The following NRXN2 variants were observed in gnomAD, a reference collection of about 807,000 sequenced individuals.
The protein encoded by NRXN2 is neurexin 2.
A neutral mutation model predicts 128.8 loss-of-function variants in NRXN2; 29 were observed. That is an observed-to-expected ratio of 0.23 (90% CI 0.17 to 0.31). NRXN2 has a LOEUF of 0.31. Ranked by LOEUF, NRXN2 falls within the 10% of genes least tolerant of loss-of-function variation. NRXN2 has a pLI of 1.00. For synonymous variants in NRXN2, 1,098 were observed against 1,075.2 expected (o/e 1.02, Z -0.41); for missense variants, 1,881 against 2,452.6 (o/e 0.77, Z 4.92).
Position 64,668,315 on chromosome 11 carries a change from G to T in NRXN2, c.1359+128C>A, listed in dbSNP as rs1237931253. Reference sequence around the variant, plus strand: ...GTGGGCCTTAGGTTTTAAAGAGGGGGTGTCTCCCACCATGGACTTGGAAGG... The same window carrying T: ...GTGGGCCTTAGGTTTTAAAGAGGGGTTGTCTCCCACCATGGACTTGGAAGG... On this transcript the variant is annotated intron_variant, in intron 8 of 22. Transcript: ENST00000265459. 1.1e-5 allele frequency: 13 copies of T among 1,168,956 alleles called. No homozygotes were observed. In the South Asian group the frequency reaches 1.6e-4, roughly 14 times the overall value. The allele number at this position is 1,168,956 out of a possible 1,614,324, so 72.4% of individuals were successfully genotyped here. A position where few individuals can be genotyped will look rare whatever the true frequency, so the allele number is the denominator to read the frequency against.
chr11:64,618,371 C>T (rs918102759), intron 22 of NRXN2, among the ~76,000 whole-genome samples: 7 of 152,208 alleles, frequency 4.6e-5, no homozygotes, highest in Non-Finnish European at 1.0e-4. Context: ...TCCTGTTACC[C>T]AGGAATTCCT....
chr11:64,633,289 A>C (rs892570851), intron 18 of NRXN2, among the ~76,000 whole-genome samples: 9 of 152,330 alleles, frequency 5.9e-5, no homozygotes, highest in African/African-American at 2.2e-4. Context: ...AGAGGCCCAC[A>C]GTCCTGCCTA....
intron 9 of NRXN2, among the ~76,000 whole-genome samples, chr11:64,662,597 C>G (rs962810465): frequency 3.3e-5 from 5 of 151,962 alleles, no homozygotes; most frequent in African/African-American, 7.2e-5. Context: ...CTGGCTAACA[C>G]GGTGAAACCC....
chr11:64,650,347 C>A (rs1388881139), intron 15 of NRXN2, 101 bp downstream of exon 15: 8 of 1,211,730 alleles, frequency 6.6e-6, no homozygotes, highest in Non-Finnish European at 9.7e-6. Flanking sequence ...AAACTGGGGG[C>A]AGGGAACCGA....
chr11:64,686,005 G>A lies in NRXN2; in HGVS notation c.851-58C>T. The stretch of plus-strand genomic sequence containing the variant: ...GCTGAATGGGGCAGGGTACACCAGT[G>A]CTTCCCTCTCCCCTCCAGCAACGCA... On this transcript the variant is annotated intron_variant, in intron 5 of 22. Transcript: ENST00000265459. 1.9e-6 allele frequency: 3 copies of A among 1,587,946 alleles called. No homozygotes were observed. In the South Asian group the frequency reaches 3.3e-5, roughly 18 times the overall value.
In NRXN2 at chr11:64,651,575, C is replaced by T. The variant is rs746911445; in HGVS notation, c.2598G>A (p.Thr866=). The change falls in exon 14 of 23, where the codon ACG becomes ACA. Residue 866 remains threonine (T), a synonymous_variant. Coordinates refer to ENST00000265459, the MANE Select transcript of NRXN2 (RefSeq NM_015080.4). This position sits in a 1 kb window ranked among gnomAD's most constrained non-coding sequence, Gnocchi z 5.9. ...EFHNIETGIM[T]ERRFISVVPS... ...GCACCACGGAGATAAACCGCCGCTC[C>T]GTCATGATGCCCGTCTCAATGTTGT... The T allele has an allele frequency of 1.8e-5, 29 of 1,613,986 alleles. No homozygotes were observed. The highest frequency in any genetic ancestry group is 1.6e-4 in the Middle Eastern group (1 of 6,084).
intron 17 of NRXN2, among the ~76,000 whole-genome samples, chr11:64,639,498 C>T (rs1053027862): frequency 6.6e-5 from 10 of 152,092 alleles, no homozygotes; most frequent in Non-Finnish European, 1.5e-4. Flanking sequence ...GAAATGAACA[C>T]GGTGGGGTGG....
intron 19 of NRXN2, among the ~76,000 whole-genome samples, chr11:64,628,980 T>G (rs960015106): frequency 2.6e-5 from 4 of 152,148 alleles, no homozygotes; most frequent in Admixed American, 2.6e-4. Flanking sequence ...CATGAACCTC[T>G]GTATGTATTA....
At chr11:64,627,484 C>T (rs2043237952) in intron 19 of NRXN2, among the ~76,000 whole-genome samples, 1 of 151,996 alleles carries the variant, frequency 6.6e-6, no homozygotes, top group African/African-American at 2.4e-5. Flanking sequence ...CTCAGGACCT[C>T]ATCTTGCTCA....
In NRXN2 at chr11:64,667,982, T is replaced by G. The variant is rs571443443; in HGVS notation, c.1360-294A>C. Among the ~76,000 whole-genome samples, 8 of 152,202 alleles carry G rather than the reference T, an allele frequency of 5.3e-5. No individual in the cohort carries two copies. Among genetic ancestry groups the G allele is most frequent in the Non-Finnish European group, 1.0e-4 (7 of 68,038 alleles). On this transcript the variant is annotated intron_variant, in intron 8 of 22. Transcript: ENST00000265459. This position sits in a 1 kb window ranked among gnomAD's most constrained non-coding sequence, Gnocchi z 5.6. The stretch of plus-strand genomic sequence containing the variant: ...CAGTTCATAATAATGACAAGGCCAC[T>G]GACGTGTGGTAGCTGTTTTCCACTC...
At chr11:64,684,165 G>A (rs1202739859) in intron 6 of NRXN2, among the ~76,000 whole-genome samples, 2 of 152,110 alleles carry the variant, frequency 1.3e-5, no homozygotes, top group Non-Finnish European at 2.9e-5. Flanking sequence ...CTCTGAACTT[G>A]GAGCATCTTG....
Position 64,607,837 on chromosome 11 carries a change from C to A in NRXN2, c.4498G>T (p.Val1500Phe). ...IEASGFASGEVFDSSLPPTDD... is the reference protein window; with the variant it reads ...IEASGFASGEFFDSSLPPTDD... ...GTGGGGGGGAGGCTGGAGTCAAAGA[C>A]CTCCCCGGAGGCGAAGCCCGAGGCC... Residue 1500 changes from valine to phenylalanine, a missense_variant, in exon 23 of 23, where the codon GTC (valine) becomes TTC (phenylalanine). Physicochemically the swap from Val to Phe is conservative, Grantham distance 50 (BLOSUM62 -1). Around this residue, in one of 7 missense-constraint regions of NRXN2, gnomAD observed 310 missense variants for 318.2 expected, o/e 0.97. Transcript: ENST00000265459. The A allele has an allele frequency of 1.2e-6, 2 of 1,601,158 alleles. No individual in the cohort carries two copies. The highest frequency in any genetic ancestry group is 1.7e-6 in the Non-Finnish European group (2 of 1,174,536).
chr11:64,617,318 C>G (rs1475657592), intron 22 of NRXN2, among the ~76,000 whole-genome samples: 1 of 152,136 alleles, frequency 6.6e-6, no homozygotes, highest in Non-Finnish European at 1.5e-5. Flanking sequence ...TGTGTGTGCT[C>G]TTCTCTTCCT....
In NRXN2 at chr11:64,713,088, C is replaced by T; in HGVS notation, c.612G>A (p.Pro204=). ...SQGLRGATAD[P]LCAPARNPCA... ...AGGGGTTGCGCGCGGGCGCGCACAG[C>T]GGGTCGGCGGTGGCGCCGCGCAGGC... The change falls in exon 2 of 23, where the codon CCG becomes CCA. Residue 204 remains proline (P), a synonymous_variant. Coordinates refer to ENST00000265459, the MANE Select transcript of NRXN2 (RefSeq NM_015080.4). The T allele has an allele frequency of 7.7e-7, 1 of 1,306,496 alleles. No individual in the cohort carries two copies. The allele number at this position is 1,306,496 out of a possible 1,614,324, so 80.9% of individuals were successfully genotyped here.
At position 64,630,598 on chromosome 11, in the gene NRXN2, G is replaced by A. The variant is rs977425986; in HGVS notation, c.3586-25C>T. ...CCTGGGGACATGGAGGTGGAGGTCA[G>A]CGACCAGAGGGAGCAACCATTCATC... is the stretch of plus-strand genomic sequence containing the variant. On this transcript the variant is annotated intron_variant, in intron 18 of 22. Coordinates refer to ENST00000265459, the MANE Select transcript of NRXN2 (RefSeq NM_015080.4). The surrounding 1 kb of genome is among the most constrained non-coding windows in gnomAD (Gnocchi z 4.6). 1 of 1,613,384 alleles carries A rather than the reference G, an allele frequency of 6.2e-7. No individual in the cohort carries two copies. Among genetic ancestry groups the A allele is most frequent in the African/African-American group, 1.3e-5 (1 of 75,068 alleles).
chr11:64,661,067 C>T lies in NRXN2; in HGVS notation c.1871G>A (p.Ser624Asn). The change falls in exon 10 of 23, where the codon AGT (serine) becomes AAT (asparagine). Residue 624 changes from serine (S) to asparagine (N), a missense_variant. Physicochemically the swap from Ser to Asn is conservative, Grantham distance 46. Coordinates refer to ENST00000265459, the MANE Select transcript of NRXN2 (RefSeq NM_015080.4). ...TGDSEILDLE[S>N]ELYLGGLPEG... ...AGGGAGACCGCCCAGGTACAGCTCA[C>T]TCTCCAGGTCCAGAATCTCGCTGTC... The T allele has an allele frequency of 6.2e-7, 1 of 1,613,542 alleles. No homozygotes were observed. Among genetic ancestry groups the T allele is most frequent in the Non-Finnish European group, 8.5e-7 (1 of 1,180,032 alleles).
At chr11:64,706,024 C>G (rs1199869876) in intron 2 of NRXN2, among the ~76,000 whole-genome samples, 1 of 120,156 alleles carries the variant, frequency 8.3e-6, no homozygotes, top group Non-Finnish European at 1.6e-5. Flanking sequence ...ACTCTATAAT[C>G]CCTCTGCACT....
intron 2 of NRXN2, among the ~76,000 whole-genome samples, chr11:64,709,765 G>A (rs988719932): frequency 6.6e-6 from 1 of 151,928 alleles, no homozygotes; most frequent in Non-Finnish European, 1.5e-5. Context: ...AATGAATAAA[G>A]ACACAACCCT....
At chr11:64,692,156 GT>G (rs1490038604) in intron 4 of NRXN2, among the ~76,000 whole-genome samples, 1 of 152,248 alleles carries the variant, frequency 6.6e-6, no homozygotes, top group Non-Finnish European at 1.5e-5. Flanking sequence ...ACCAATAAGG[GT>G]TGTGGAATCA....
Sources: allele counts gnomAD v4.1 joint callset (sites outside exome capture counted in the v4.1 genomes callset), GRCh38; gene constraint gnomAD v4.1.1; regional missense constraint gnomAD v4.1.1; non-coding constraint Gnocchi (gnomAD v3.1); transcripts MANE v1.5; gene names NCBI Gene and HGNC (gene_info 2026-07-23, HGNC 2026-07-21).